Variants in KLHL1 observed in about 807,000 individuals in gnomAD.
KLHL1 encodes kelch-like protein 1.
In KLHL1, 47 loss-of-function variants were observed where a neutral mutation model predicts 77.7. The observed-to-expected ratio is 0.60, with a 90% CI of 0.48 to 0.77. KLHL1 has a LOEUF of 0.77. KLHL1 is among the 30% of genes least tolerant of loss of function. The pLI is 0.00. For synonymous variants in KLHL1, 360 were observed against 325.2 expected (o/e 1.11, Z -1.15); for missense variants, 925 against 910.8 (o/e 1.02, Z -0.20).
At chr13:69,786,282 A>G (rs1876541500) in intron 7 of KLHL1, among the ~76,000 whole-genome samples, 1 of 152,200 alleles carries the variant, frequency 6.6e-6, no homozygotes, top group Admixed American at 6.5e-5. Context: ...AACCAAATCC[A>G]GCAGCACATC....
chr13:69,946,373 T>C (rs1012381430), intron 3 of KLHL1, among the ~76,000 whole-genome samples: 11 of 152,194 alleles, frequency 7.2e-5, no homozygotes, highest in African/African-American at 2.2e-4. Context: ...TCAACTGTAT[T>C]TTCAAAATAT....
intron 5 of KLHL1, among the ~76,000 whole-genome samples, chr13:69,853,690 A>G (rs977813524): frequency 6.6e-6 from 1 of 152,030 alleles, no homozygotes; most frequent in Admixed American, 6.6e-5. Flanking sequence ...GTTTCTTATC[A>G]AGAGAACTTG....
At chr13:69,946,068 A>G (rs74090631) in intron 3 of KLHL1, among the ~76,000 whole-genome samples, 19,460 of 152,106 alleles carry the variant, frequency 0.13, 1,938 homozygotes, top group East Asian at 0.29. Context: ...GCTGAGTGAA[A>G]GAAACCAGAC....
At chr13:69,844,953 C>T (rs774136634) in intron 5 of KLHL1, among the ~76,000 whole-genome samples, 32 of 151,636 alleles carry the variant, frequency 2.1e-4, no homozygotes, top group Admixed American at 5.3e-4. Context: ...AATAAGTATT[C>T]GATCCAGGAA....
At chr13:69,936,830 T>A (rs1371486069) in intron 4 of KLHL1, among the ~76,000 whole-genome samples, 1 of 152,100 alleles carries the variant, frequency 6.6e-6, no homozygotes, top group Non-Finnish European at 1.5e-5. Context: ...GCAAAGACAC[T>A]GCATTCCTCA....
chr13:70,097,028 G>A (rs1223357195), intron 1 of KLHL1, among the ~76,000 whole-genome samples: 6 of 151,996 alleles, frequency 3.9e-5, no homozygotes, highest in East Asian at 1.9e-4. Flanking sequence ...TGTAAAGGAG[G>A]TTATTGGAGG....
At chr13:69,839,212 A>G (rs778196823) in intron 5 of KLHL1, 50 bp from the exon 6 acceptor site, 8 of 1,260,238 alleles carry the variant, frequency 6.3e-6, no homozygotes, top group Non-Finnish European at 5.5e-6. Flanking sequence ...AGAGATGAAC[A>G]TTATGTCATT....
intron 9 of KLHL1, among the ~76,000 whole-genome samples, chr13:69,715,858 A>G (rs1476848654): frequency 6.6e-6 from 1 of 152,118 alleles, no homozygotes. Context: ...TAATATATCA[A>G]AATTGTTTTG....
chr13:70,028,219 T>C (rs879535922), intron 1 of KLHL1, among the ~76,000 whole-genome samples: 7 of 152,190 alleles, frequency 4.6e-5, no homozygotes, highest in Non-Finnish European at 7.3e-5. Flanking sequence ...GTAATACCTT[T>C]GTTAAGAATT....
chr13:69,765,717 A>T (rs1339841760), intron 7 of KLHL1, among the ~76,000 whole-genome samples: 1 of 152,212 alleles, frequency 6.6e-6, no homozygotes, highest in East Asian at 1.9e-4. Flanking sequence ...TGATTTGACC[A>T]GAGCAGAGGT....
At chr13:70,070,679 C>A (rs377096090) in intron 1 of KLHL1, among the ~76,000 whole-genome samples, 1 of 151,642 alleles carries the variant, frequency 6.6e-6, no homozygotes, top group African/African-American at 2.4e-5. Context: ...AGGAAGAATG[C>A]GGGAGAAGAA....
chr13:70,059,811 G>T (rs559303348), intron 1 of KLHL1, among the ~76,000 whole-genome samples: 7 of 152,242 alleles, frequency 4.6e-5, no homozygotes, highest in African/African-American at 1.7e-4. Flanking sequence ...TTACATGGAG[G>T]ATTTGAGACT....
chr13:69,996,062 T>C (rs779940512), intron 1 of KLHL1, among the ~76,000 whole-genome samples: 1 of 152,104 alleles, frequency 6.6e-6, no homozygotes, highest in Non-Finnish European at 1.5e-5. Context: ...CCCAGCACTT[T>C]GGGAGGTCAA....
intron 1 of KLHL1, among the ~76,000 whole-genome samples, chr13:70,103,425 G>T (rs2137457403): frequency 6.6e-6 from 1 of 152,112 alleles, no homozygotes; most frequent in African/African-American, 2.4e-5. Context: ...CTTTGGTGGG[G>T]AAAAAGGAGA....
At chr13:69,789,388 A>G (rs1278898397) in intron 7 of KLHL1, among the ~76,000 whole-genome samples, 1 of 151,936 alleles carries the variant, frequency 6.6e-6, no homozygotes, top group Non-Finnish European at 1.5e-5. Flanking sequence ...TTTTGGCAAC[A>G]GCATATATGT....
At chr13:70,050,341 T>A (rs927889925) in intron 1 of KLHL1, among the ~76,000 whole-genome samples, 11 of 151,786 alleles carry the variant, frequency 7.2e-5, no homozygotes, top group African/African-American at 2.7e-4. Context: ...GTATTAAACA[T>A]TTATCTAGAA....
At chr13:70,038,388 A>T (rs990156965) in intron 1 of KLHL1, among the ~76,000 whole-genome samples, 1 of 152,130 alleles carries the variant, frequency 6.6e-6, no homozygotes, top group Non-Finnish European at 1.5e-5. Context: ...TTATGTAGAC[A>T]TGAGTATTCA....
chr13:69,761,137 T>C (rs567515524), intron 7 of KLHL1, among the ~76,000 whole-genome samples: 1 of 152,282 alleles, frequency 6.6e-6, no homozygotes, highest in East Asian at 1.9e-4. Flanking sequence ...AAATGTTTAA[T>C]TGAACAGAGA....
chr13:69,842,477 C>A (rs1041098610), intron 5 of KLHL1, among the ~76,000 whole-genome samples: 3 of 151,770 alleles, frequency 2.0e-5, no homozygotes, highest in African/African-American at 7.2e-5. Flanking sequence ...AAATATAAAT[C>A]AAAACCATAA....
Sources: allele counts gnomAD v4.1 joint callset (sites outside exome capture counted in the v4.1 genomes callset), GRCh38; gene constraint gnomAD v4.1.1; transcripts MANE v1.5; gene names NCBI Gene and HGNC (gene_info 2026-07-23, HGNC 2026-07-21).